AP1G1: variants seen among roughly 807,000 people sequenced by gnomAD.
AP1G1 encodes adaptor related protein complex 1 subunit gamma 1, also known as AP-1 complex subunit gamma-1.
Under a neutral mutation model 108.3 loss-of-function variants are expected in AP1G1, and 7 were observed. The ratio of observed to expected loss-of-function variants is 0.06; its 90% confidence interval spans 0.04 to 0.12. The LOEUF is 0.12. Among genes scored for constraint, AP1G1 ranks in the 10% least tolerant of loss-of-function variants. The pLI is 1.00. For missense variants in AP1G1, 756 were observed against 1,010.7 expected (o/e 0.75, Z 3.42); for synonymous variants, 379 against 353.5 (o/e 1.07, Z -0.81).
chr16:71,776,488 T>TTGTG, intron 2 of AP1G1, among the ~76,000 whole-genome samples: 1 of 152,348 alleles, frequency 6.6e-6, no homozygotes, highest in South Asian at 2.1e-4. Flanking sequence ...GAAAATTTAC[T>TTGTG]AAGGTGAATG....
chr16:71,765,006 A>G, intron 7 of AP1G1, among the ~76,000 whole-genome samples: 1 of 152,254 alleles, frequency 6.6e-6, no homozygotes, highest in Non-Finnish European at 1.5e-5. Flanking sequence ...CTGCAGAGCT[A>G]TATTAAATAA....
chr16:71,760,110 T>C (rs2031005546), intron 10 of AP1G1, among the ~76,000 whole-genome samples: 2 of 151,960 alleles, frequency 1.3e-5, no homozygotes, highest in African/African-American at 4.8e-5. Flanking sequence ...GGCTCAAGCG[T>C]TCCTCCCACC....
At position 71,764,525 on chromosome 16, in the gene AP1G1, C is replaced by T. The variant is rs927672091; in HGVS notation, c.820-77G>A. 3 of 1,268,400 alleles carry T rather than the reference C, an allele frequency of 2.4e-6. No individual in the cohort carries two copies. In the South Asian group the frequency reaches 4.3e-5, roughly 18 times the overall value. 78.6% of individuals were successfully genotyped at this position (1,268,400 alleles called of 1,614,324 possible). A position where few individuals can be genotyped will look rare whatever the true frequency, so the allele number is the denominator to read the frequency against. ...AAACATATTCACAGGTAACAAGAGG[C>T]ATTTTGTGATTACAGCTATGAATGA... On this transcript the variant is annotated intron_variant, in intron 8 of 22. Coordinates refer to ENST00000299980, the MANE Select transcript of AP1G1 (RefSeq NM_001128.6).
chr16:71,769,451 C>T (rs2031482745), intron 6 of AP1G1, 172 bp downstream of exon 6: 2 of 631,654 alleles, frequency 3.2e-6, no homozygotes, highest in Admixed American at 4.8e-5. Flanking sequence ...AGTGCCAGTT[C>T]TCACTTATAT....
chr16:71,767,241 T>C (rs2031354316), intron 6 of AP1G1, among the ~76,000 whole-genome samples: 1 of 152,186 alleles, frequency 6.6e-6, no homozygotes, highest in African/African-American at 2.4e-5. Context: ...ATACAATTCT[T>C]GGAACCCAGT....
intron 13 of AP1G1, 109 bp from the exon 14 acceptor site, chr16:71,750,441 G>C: frequency 7.4e-7 from 1 of 1,350,924 alleles, no homozygotes; most frequent in African/African-American, 1.4e-5. Flanking sequence ...TTGAGACAGA[G>C]TCTCGCTCTG....
intron 10 of AP1G1, among the ~76,000 whole-genome samples, chr16:71,760,038 A>T (rs1462711998): frequency 6.6e-6 from 1 of 151,882 alleles, no homozygotes; most frequent in Non-Finnish European, 1.5e-5. Flanking sequence ...TTATTTATGT[A>T]TTTATTTTTT....
intron 8 of AP1G1, 88 bp from the exon 9 acceptor site, chr16:71,764,536 T>G (rs2031235468): frequency 7.9e-7 from 1 of 1,265,816 alleles, no homozygotes; most frequent in Admixed American, 2.5e-5. Flanking sequence ...ATTTTGTGAT[T>G]ACAGCTATGA....
rs774648742 is a variant in AP1G1 at position 71,756,076 on chromosome 16, G to A, written c.1172C>T (p.Ser391Leu). 41 of 1,612,528 alleles carry A rather than the reference G, an allele frequency of 2.5e-5. No homozygotes were observed. The highest frequency in any genetic ancestry group is 4.5e-5 in the East Asian group (2 of 44,832). Residue 391 changes from serine to leucine, a missense_variant, in exon 12 of 23, where the codon TCG (serine) becomes TTG (leucine). Ser to Leu is a moderately radical substitution (Grantham distance 145). Around this residue, in one of 3 missense-constraint regions of AP1G1, gnomAD observed 304 missense variants for 483.6 expected, o/e 0.63. Transcript: ENST00000299980. ...MMKELLYFLD[S>L]CEPEFKADCA... ...GTCTGCTTTAAATTCTGGCTCACACGAATCCAGAAAATAAAGTAATTCTTT... is the reference window on the plus strand; with the variant it reads ...GTCTGCTTTAAATTCTGGCTCACACAAATCCAGAAAATAAAGTAATTCTTT...
intron 2 of AP1G1, among the ~76,000 whole-genome samples, chr16:71,781,867 A>G (rs1263753387): frequency 6.6e-6 from 1 of 152,218 alleles, no homozygotes; most frequent in South Asian, 2.1e-4. Context: ...GATCAAATTC[A>G]GACTTTTCAG....
Position 71,745,261 on chromosome 16 carries a change from A to G in AP1G1, c.1882T>C (p.Leu628=). ...TCATTTCCTCCCAACAAATCCAATA[A>G]ATCATTGGCCTAAACAAGGTAACAA... ...GPQPTSQAND[L]LDLLGGNDIT... The change falls in exon 19 of 23, where the codon TTA becomes CTA. Residue 628 remains leucine, a synonymous_variant. Coordinates refer to ENST00000299980, the MANE Select transcript of AP1G1 (RefSeq NM_001128.6). The G allele has an allele frequency of 6.2e-7, 1 of 1,614,186 alleles. No homozygotes were observed. Among genetic ancestry groups the G allele is most frequent in the Non-Finnish European group, 8.5e-7 (1 of 1,180,032 alleles).
At chr16:71,734,312 C>T (rs1173923231) in intron 22 of AP1G1, among the ~76,000 whole-genome samples, 1 of 152,160 alleles carries the variant, frequency 6.6e-6, no homozygotes, top group Non-Finnish European at 1.5e-5. Context: ...AATGCTCTTA[C>T]CTCAGATTTC....
intron 2 of AP1G1, among the ~76,000 whole-genome samples, chr16:71,775,019 CTT>C (rs748508767): frequency 0.35 from 24,240 of 68,630 alleles, 2,822 homozygotes; most frequent in South Asian, 0.41. Context: ...CCGCGCCTGG[CTT>C]TTTTTTTTTT....
intron 1 of AP1G1, among the ~76,000 whole-genome samples, chr16:71,803,451 T>C (rs1362303392): frequency 6.6e-6 from 1 of 152,166 alleles, no homozygotes; most frequent in African/African-American, 2.4e-5. Flanking sequence ...CATCTCATCC[T>C]AAACCTTGCC....
In AP1G1 at chr16:71,808,661, G is replaced by A. The variant is rs758634366; in HGVS notation, c.-4+102C>T. ...TTCTCTTCTCAACACCCACAGCCTG[G>A]GACTGGACCCCTGAAACTGAAAGGA... On this transcript the variant is annotated intron_variant, in intron 1 of 22. Coordinates refer to ENST00000299980, the MANE Select transcript of AP1G1 (RefSeq NM_001128.6). The A allele has an allele frequency of 7.8e-6, 10 of 1,288,884 alleles. No individual in the cohort carries two copies. The South Asian group carries it at 1.1e-4, about 14-fold the overall frequency. The allele number at this position is 1,288,884 out of a possible 1,614,324, so 79.8% of individuals were successfully genotyped here.
chr16:71,766,610 A>G (rs1000943258), intron 6 of AP1G1, among the ~76,000 whole-genome samples: 1 of 152,082 alleles, frequency 6.6e-6, no homozygotes, highest in African/African-American at 2.4e-5. Context: ...TTTTGCAGGC[A>G]ATTTTAGCTA....
rs989705901 is a variant in AP1G1, at chr16:71,729,917, T to G, written c.*3141A>C. On this transcript the variant is annotated 3_prime_UTR_variant, in exon 23 of 23. Coordinates refer to ENST00000299980, the MANE Select transcript of AP1G1 (RefSeq NM_001128.6). ...TTTCCAATGCAGAAGATAATGAAGTTGAACCTTGAAAGCAGTACTCCCTAA... is the reference window on the plus strand; with the variant it reads ...TTTCCAATGCAGAAGATAATGAAGTGGAACCTTGAAAGCAGTACTCCCTAA... The G allele has an allele frequency of 6.6e-6, 1 of 152,588 alleles. No individual in the cohort carries two copies. Among genetic ancestry groups the G allele is most frequent in the Non-Finnish European group, 1.5e-5 (1 of 68,038 alleles). The allele number at this position is 152,588 out of a possible 1,614,324, so 9.5% of individuals were successfully genotyped here.
At chr16:71,760,227 C>T (rs2145459722) in intron 10 of AP1G1, among the ~76,000 whole-genome samples, 1 of 105,086 alleles carries the variant, frequency 9.5e-6, no homozygotes, top group African/African-American at 3.6e-5. Flanking sequence ...ATTATTTCCA[C>T]ATCTTTTTTT....
At chr16:71,804,965 T>C (rs77139486) in intron 1 of AP1G1, among the ~76,000 whole-genome samples, 36,621 of 152,008 alleles carry the variant, frequency 0.24, 4,688 homozygotes, top group South Asian at 0.47. Context: ...GAGCTGAGAT[T>C]GCACCACTGC....
Sources: allele counts gnomAD v4.1 joint callset (sites outside exome capture counted in the v4.1 genomes callset), GRCh38; gene constraint gnomAD v4.1.1; regional missense constraint gnomAD v4.1.1; transcripts MANE v1.5; gene names NCBI Gene and HGNC (gene_info 2026-07-23, HGNC 2026-07-21).